PRKN: variants seen among roughly 807,000 people sequenced by gnomAD.
PRKN encodes parkin RBR E3 ubiquitin protein ligase, also known as E3 ubiquitin-protein ligase parkin.
In PRKN, 56 loss-of-function variants were observed where a neutral mutation model predicts 59.5. That is an observed-to-expected ratio of 0.94 (90% confidence interval 0.76 to 1.18). PRKN has a LOEUF of 1.18. PRKN is among the 50% of genes most tolerant of loss of function. The probability of loss-of-function intolerance (pLI) is 0.00; values close to 1 mark genes in which losing one functional copy is unlikely to be tolerated. For synonymous variants in PRKN, 250 were observed against 222.1 expected, an observed-to-expected ratio of 1.13 and a Z score of -1.12; for missense variants, 657 against 596.4, an observed-to-expected ratio of 1.10 and a Z score of -1.06.
chr6:162,719,554 T>A (rs202219033), intron 1 of PRKN, among the ~76,000 whole-genome samples: 1 of 138,172 alleles, frequency 7.2e-6, no homozygotes, highest in Non-Finnish European at 1.6e-5. Flanking sequence ...AAAAAAAAAA[T>A]TGTAATCAGG....
intron 2 of PRKN, among the ~76,000 whole-genome samples, chr6:162,307,734 T>C (rs777876390): frequency 1.3e-5 from 2 of 152,138 alleles, no homozygotes; most frequent in African/African-American, 2.4e-5. Flanking sequence ...ACTGCAAACA[T>C]TGAATAATTT....
At chr6:161,577,068 A>C (rs1583250923) in intron 7 of PRKN, among the ~76,000 whole-genome samples, 1 of 152,242 alleles carries the variant, frequency 6.6e-6, no homozygotes, top group Non-Finnish European at 1.5e-5. Flanking sequence ...AGGACCATAG[A>C]AGGGCACTGC....
chr6:162,101,544 C>T (rs1016802790), intron 4 of PRKN, among the ~76,000 whole-genome samples: 29 of 151,770 alleles, frequency 1.9e-4, no homozygotes, highest in African/African-American at 6.5e-4. Flanking sequence ...TGGTGGCGGG[C>T]GCCTGCAGTC....
intron 4 of PRKN, among the ~76,000 whole-genome samples, chr6:162,114,818 C>T (rs111688558): frequency 0.049 from 7,497 of 151,604 alleles, 543 homozygotes; most frequent in African/African-American, 0.16. Flanking sequence ...CCAGTTAGAA[C>T]GGCAATCATT....
chr6:161,529,864 A>G lies in PRKN; in HGVS notation c.1083+18990T>C, dbSNP rs1348237274. Reference sequence around the variant, plus strand: ...GCTTACATTTTGATGATGAAGAAAAATACCACTTGACACAAATTAATGTCA... The same window carrying G: ...GCTTACATTTTGATGATGAAGAAAAGTACCACTTGACACAAATTAATGTCA... On this transcript the variant is annotated intron_variant, in intron 9 of 11. Transcript: ENST00000366898. This position sits in a 1 kb window ranked among gnomAD's most constrained non-coding sequence, Gnocchi z 4.4. 2.6e-5 allele frequency among the ~76,000 whole-genome samples: 4 copies of G among 152,214 alleles called. No individual in the cohort carries two copies. The highest frequency in any genetic ancestry group is 9.6e-5 in the African/African-American group (4 of 41,454).
Position 162,647,949 on chromosome 6 carries a change from C to CAAAAAAAAAAAAAAAAAAAAAA in PRKN, c.7+79691_7+79712dup, listed in dbSNP as rs398003250. ...GAACCATCTCTATATGTCCACAGTG[C>CAAAAAAAAAAAAAAAAAAAAAA]AAAAAAAAAAAAAAAAAAAAAAAAA... On this transcript the variant is annotated intron_variant, in intron 1 of 11. Coordinates refer to ENST00000366898, the MANE Select transcript of PRKN (RefSeq NM_004562.3). Among the ~76,000 whole-genome samples, 10 of 75,650 alleles carry CAAAAAAAAAAAAAAAAAAAAAA rather than the reference C, an allele frequency of 1.3e-4. 4 individuals carry two copies. Among genetic ancestry groups the CAAAAAAAAAAAAAAAAAAAAAA allele is most frequent in the Non-Finnish European group, 1.4e-4 (6 of 42,122 alleles). The allele number at this position is 75,650 out of a possible 152,430, so 49.6% of individuals were successfully genotyped here.
chr6:162,453,314 CCTCTCTCT>C (rs974860953), intron 1 of PRKN, among the ~76,000 whole-genome samples: 2 of 152,190 alleles, frequency 1.3e-5, no homozygotes, highest in Non-Finnish European at 2.9e-5. Flanking sequence ...AGAATTCCCT[CCTCTCTCT>C]CTTTTTCCTT....
At chr6:162,264,459 G>T (rs1420768730) in intron 2 of PRKN, among the ~76,000 whole-genome samples, 1 of 151,746 alleles carries the variant, frequency 6.6e-6, no homozygotes, top group African/African-American at 2.4e-5. Flanking sequence ...CACCATCAAT[G>T]TCCCTCGAAC....
intron 7 of PRKN, among the ~76,000 whole-genome samples, chr6:161,599,518 C>T (rs1330835921): frequency 6.6e-6 from 1 of 152,154 alleles, no homozygotes; most frequent in Non-Finnish European, 1.5e-5. Context: ...TTCTGAAATT[C>T]AAGAGCAAAA....
intron 6 of PRKN, among the ~76,000 whole-genome samples, chr6:161,847,329 A>G (rs972999944): frequency 1.2e-4 from 18 of 152,064 alleles, no homozygotes; most frequent in African/African-American, 4.1e-4. Flanking sequence ...TTTGTTACTG[A>G]ATGTGGGTTT....
intron 1 of PRKN, among the ~76,000 whole-genome samples, chr6:162,633,758 GGA>G (rs1777606710): frequency 6.6e-6 from 1 of 152,084 alleles, no homozygotes; most frequent in Non-Finnish European, 1.5e-5. Flanking sequence ...GAGGAAGGGA[GGA>G]GAGTTTGTGA....
chr6:161,974,437 T>C (rs1780946950), intron 5 of PRKN, among the ~76,000 whole-genome samples: 1 of 152,164 alleles, frequency 6.6e-6, no homozygotes, highest in Non-Finnish European at 1.5e-5. Flanking sequence ...TCCTGCCACA[T>C]ACTCCCTCAT....
rs930625593 is a variant in PRKN, at chr6:161,461,136, G to A, written c.1084-74259C>T. On this transcript the variant is annotated intron_variant, in intron 9 of 11. Transcript: ENST00000366898. This position sits in a 1 kb window ranked among gnomAD's most constrained non-coding sequence, Gnocchi z 5.1. ...ACCTGCATCAGTTTTTCAGAAAACA[G>A]AACTGAACGTCAAGTTTGTCCTCAG... 2.6e-5 allele frequency among the ~76,000 whole-genome samples: 4 copies of A among 152,140 alleles called. No individual in the cohort carries two copies. Among genetic ancestry groups the A allele is most frequent in the Admixed American group, 1.3e-4 (2 of 15,280 alleles).
At chr6:162,667,534 T>C (rs1221399746) in intron 1 of PRKN, among the ~76,000 whole-genome samples, 1 of 152,206 alleles carries the variant, frequency 6.6e-6, no homozygotes, top group Admixed American at 6.5e-5. Flanking sequence ...ATTATTTCAT[T>C]TTACAGATAA....
At chr6:161,847,850 T>C (rs888806171) in intron 6 of PRKN, among the ~76,000 whole-genome samples, 4 of 152,040 alleles carry the variant, frequency 2.6e-5, no homozygotes, top group African/African-American at 9.7e-5. Flanking sequence ...TTCACAAGGG[T>C]TGGGAAAGAG....
At chr6:161,750,667 T>G (rs1414146932) in intron 7 of PRKN, among the ~76,000 whole-genome samples, 2 of 151,092 alleles carry the variant, frequency 1.3e-5, no homozygotes, top group African/African-American at 2.4e-5. Flanking sequence ...CTAGGGAGGC[T>G]GAGGCAGGAG....
At chr6:161,992,302 A>C (rs1781678829) in intron 5 of PRKN, among the ~76,000 whole-genome samples, 1 of 152,114 alleles carries the variant, frequency 6.6e-6, no homozygotes. Context: ...ATCGAGCCAC[A>C]GCACTCCAGC....
At chr6:162,500,132 C>T (rs1010706502) in intron 1 of PRKN, among the ~76,000 whole-genome samples, 1 of 151,814 alleles carries the variant, frequency 6.6e-6, no homozygotes, top group African/African-American at 2.4e-5. Flanking sequence ...CATCTCCTCC[C>T]ATCACACCAA....
At position 162,262,639 on chromosome 6, in the gene PRKN, G is replaced by A; in HGVS notation, c.298C>T (p.Gln100Ter). Reference protein sequence around the residue: ...NAAGGCEREPQSLTRVDLSSS... With the variant: ...NAAGGCEREP ...CTGAGGTCCACCCGAGTCAAGCTCT[G>A]GGGCTCCCGCTCACAGCCTCCCGCC... Residue 100 changes from glutamine (Q) to a stop codon, truncating the protein, a stop_gained, in exon 3 of 12, where the codon CAG (glutamine) becomes TAG (stop). Transcript: ENST00000366898. LOFTEE classifies it high-confidence loss of function. The A allele has an allele frequency of 6.2e-7, 1 of 1,613,736 alleles. No individual in the cohort carries two copies. Among genetic ancestry groups the A allele is most frequent in the Non-Finnish European group, 8.5e-7 (1 of 1,179,978 alleles).
Sources: gnomAD v4.1 joint callset for allele counts (sites outside exome capture counted in the v4.1 genomes callset) on GRCh38, gnomAD v4.1.1 for gene constraint, Gnocchi (gnomAD v3.1) non-coding constraint, MANE v1.5 for transcripts, NCBI Gene and HGNC (gene_info 2026-07-23, HGNC 2026-07-21) for gene names.